MYT1L: variants seen among roughly 807,000 people sequenced by gnomAD.
The protein encoded by MYT1L is myelin transcription factor 1 like.
MYT1L carries 12 observed loss-of-function variants against 126.7 expected under a neutral mutation model. The ratio of observed to expected loss-of-function variants is 0.09; its 90% confidence interval spans 0.06 to 0.15. The LOEUF is 0.15. Among genes scored for constraint, MYT1L ranks in the 10% least tolerant of loss-of-function variants. The probability of loss-of-function intolerance (pLI) is 1.00; values close to 1 mark genes in which losing one functional copy is unlikely to be tolerated. For synonymous variants in MYT1L, 541 were observed against 604.2 expected (o/e 0.90, Z 1.53); for missense variants, 979 against 1,585.2 (o/e 0.62, Z 6.49).
chr2:1,885,140 C>T (rs902551419), intron 18 of MYT1L: 1 of 152,198 alleles, frequency 6.6e-6, no homozygotes, highest in African/African-American at 2.4e-5. Context: ...TGTCCCTCAT[C>T]AAGAAATTCA....
intron 22 of MYT1L, among the ~76,000 whole-genome samples, chr2:1,804,054 T>C (rs2035297156): frequency 6.6e-6 from 1 of 152,110 alleles, no homozygotes; most frequent in Admixed American, 6.5e-5. Flanking sequence ...GTCCCTGGGG[T>C]TGCTGGGGCC....
intron 3 of MYT1L, among the ~76,000 whole-genome samples, chr2:2,066,429 G>C (rs933825991): frequency 1.2e-4 from 19 of 152,146 alleles, no homozygotes; most frequent in Non-Finnish European, 2.9e-5. Context: ...ACAGACACTC[G>C]CTTGGCCTTT....
At chr2:2,055,890 T>C (rs1468200506) in intron 3 of MYT1L, among the ~76,000 whole-genome samples, 2 of 152,200 alleles carry the variant, frequency 1.3e-5, no homozygotes, top group South Asian at 2.1e-4. Flanking sequence ...TTGTCCATCG[T>C]TGTTTTGGGA....
chr2:1,937,252 C>T (rs1214734094), intron 9 of MYT1L, among the ~76,000 whole-genome samples: 1 of 152,222 alleles, frequency 6.6e-6, no homozygotes, highest in African/African-American at 2.4e-5. Context: ...CATGCCTTGC[C>T]CAGAGCAGCT....
intron 1 of MYT1L, among the ~76,000 whole-genome samples, chr2:2,302,047 T>A (rs2095794350): frequency 6.6e-6 from 1 of 152,192 alleles, no homozygotes; most frequent in African/African-American, 2.4e-5. Flanking sequence ...CTCTTTCTAT[T>A]CCAAAATTGA....
chr2:2,222,349 A>G (rs181402832), intron 2 of MYT1L, among the ~76,000 whole-genome samples: 4 of 151,964 alleles, frequency 2.6e-5, no homozygotes, highest in African/African-American at 9.7e-5. Context: ...ACAATTAGCC[A>G]GGTGTGGTGG....
At chr2:1,918,558 C>T (rs925693101) in intron 10 of MYT1L, among the ~76,000 whole-genome samples, 22 of 152,114 alleles carry the variant, frequency 1.4e-4, no homozygotes, top group African/African-American at 4.6e-4. Flanking sequence ...TGAACTTTTA[C>T]GGACTTTTCA....
intron 8 of MYT1L, among the ~76,000 whole-genome samples, chr2:1,960,027 AT>A (rs1376634213): frequency 6.6e-6 from 1 of 152,226 alleles, no homozygotes; most frequent in Non-Finnish European, 1.5e-5. Context: ...TCCAGGAAGC[AT>A]TTAAAGACTG....
At position 2,255,654 on chromosome 2, in the gene MYT1L, C is replaced by T. The variant is rs192544054; in HGVS notation, c.-421+28750G>A. The stretch of plus-strand genomic sequence containing the variant: ...AACATTTACAGAATGAAGGCTGGGC[C>T]GTCATCCTGTTTTTAGCTATTTGTC... On this transcript the variant is annotated intron_variant, in intron 2 of 24. Transcript: ENST00000647738. Among the ~76,000 whole-genome samples the T allele has an allele frequency of 3.0e-3, 463 of 152,246 alleles. 2 individuals carry two copies. The highest frequency in any genetic ancestry group is 0.01 in the African/African-American group (424 of 41,552).
At chr2:1,805,582 T>G (rs1246619863) in intron 22 of MYT1L, among the ~76,000 whole-genome samples, 1 of 152,064 alleles carries the variant, frequency 6.6e-6, no homozygotes, top group Non-Finnish European at 1.5e-5. Flanking sequence ...TAGTCAGACC[T>G]CATCTATAGT....
chr2:2,226,624 G>T (rs552438126), intron 2 of MYT1L, among the ~76,000 whole-genome samples: 1 of 152,246 alleles, frequency 6.6e-6, no homozygotes, highest in South Asian at 2.1e-4. Context: ...GCAAAGTGCA[G>T]CCTCCAAGGT....
At chr2:1,964,991 G>C (rs2059228568) in intron 8 of MYT1L, among the ~76,000 whole-genome samples, 1 of 152,232 alleles carries the variant, frequency 6.6e-6, no homozygotes, top group African/African-American at 2.4e-5. Flanking sequence ...CCATTTGCCT[G>C]GGGTGAAAAT....
chr2:2,034,079 C>T (rs988709496), intron 4 of MYT1L, among the ~76,000 whole-genome samples: 24 of 152,140 alleles, frequency 1.6e-4, no homozygotes, highest in Admixed American at 4.6e-4. Flanking sequence ...CGTTACTGTA[C>T]ACAGGTCACT....
At chr2:2,026,021 C>T (rs1292207401) in intron 4 of MYT1L, among the ~76,000 whole-genome samples, 1 of 152,214 alleles carries the variant, frequency 6.6e-6, no homozygotes, top group Non-Finnish European at 1.5e-5. Context: ...GCAGGGCCAG[C>T]CCTGGCTGCC....
chr2:2,259,523 A>G (rs567992144), intron 2 of MYT1L, among the ~76,000 whole-genome samples: 54 of 152,188 alleles, frequency 3.5e-4, no homozygotes, highest in Non-Finnish European at 6.3e-4. Context: ...TTAAATACAT[A>G]TAGTTTTTAT....
At chr2:1,840,230 T>C (rs1029426970) in intron 20 of MYT1L, among the ~76,000 whole-genome samples, 4 of 152,196 alleles carry the variant, frequency 2.6e-5, no homozygotes, top group Admixed American at 1.3e-4. Context: ...GTGTGGGTTT[T>C]TGGGGCCCAG....
intron 2 of MYT1L, among the ~76,000 whole-genome samples, chr2:2,239,637 T>C (rs2094397698): frequency 6.6e-6 from 1 of 152,242 alleles, no homozygotes; most frequent in African/African-American, 2.4e-5. Flanking sequence ...GGCTTGATTA[T>C]ATCCATTTCC....
intron 8 of MYT1L, among the ~76,000 whole-genome samples, chr2:1,960,071 A>G (rs1233074437): frequency 6.6e-6 from 1 of 152,236 alleles, no homozygotes; most frequent in Non-Finnish European, 1.5e-5. Flanking sequence ...GATGGAGCAC[A>G]CGGGAGATGA....
At chr2:1,826,373 G>A (rs954538069) in intron 21 of MYT1L, among the ~76,000 whole-genome samples, 2 of 152,288 alleles carry the variant, frequency 1.3e-5, no homozygotes, top group African/African-American at 2.4e-5. Context: ...AGGGCTGGGG[G>A]GCGGGCGAAT....
Sources: gnomAD v4.1 joint callset for allele counts (sites outside exome capture counted in the v4.1 genomes callset) on GRCh38, gnomAD v4.1.1 for gene constraint, MANE v1.5 for transcripts, NCBI Gene and HGNC (gene_info 2026-07-23, HGNC 2026-07-21) for gene names.